The following IPPK variants were observed in gnomAD, a reference collection of about 807,000 sequenced individuals.
The protein encoded by IPPK is inositol-pentakisphosphate 2-kinase.
IPPK carries 22 observed loss-of-function variants against 64.6 expected under a neutral mutation model. The observed-to-expected ratio is 0.34, with a 90% CI of 0.24 to 0.49. IPPK has a LOEUF of 0.49. IPPK is among the 20% of genes least tolerant of loss of function. The pLI is 0.99. For synonymous variants in IPPK, 262 were observed against 247.2 expected, an observed-to-expected ratio of 1.06 and a Z score of -0.56; for missense variants, 532 against 630.7, an observed-to-expected ratio of 0.84 and a Z score of 1.68.
chr9:92,654,993 G>A (rs1564039609), intron 3 of IPPK, among the ~76,000 whole-genome samples: 2 of 152,258 alleles, frequency 1.3e-5, no homozygotes, highest in African/African-American at 4.8e-5. Flanking sequence ...AGGAGCAACA[G>A]TGGAAGAACA....
At chr9:92,654,335 G>T (rs142966671) in intron 3 of IPPK, among the ~76,000 whole-genome samples, 61 of 152,260 alleles carry the variant, frequency 4.0e-4, no homozygotes, top group African/African-American at 1.4e-3. Flanking sequence ...TGCCCAACAT[G>T]GTGAAACCCC....
chr9:92,667,395 T>C (rs543972157), intron 1 of IPPK, among the ~76,000 whole-genome samples: 4 of 152,240 alleles, frequency 2.6e-5, no homozygotes, highest in African/African-American at 4.8e-5. Context: ...CTTCTGGGAA[T>C]TGCTCTCTCT....
chr9:92,659,153 C>T (rs1373209937), intron 1 of IPPK, among the ~76,000 whole-genome samples: 2 of 152,112 alleles, frequency 1.3e-5, no homozygotes, highest in Non-Finnish European at 2.9e-5. Flanking sequence ...TACACGTGAG[C>T]ACACACACGT....
chr9:92,640,847 C>A, intron 7 of IPPK, 65 bp from the exon 8 acceptor site: 2 of 1,125,280 alleles, frequency 1.8e-6, no homozygotes, highest in South Asian at 2.5e-5. Flanking sequence ...TGCACACACA[C>A]CTGCTCGTGG....
intron 6 of IPPK, among the ~76,000 whole-genome samples, chr9:92,645,505 T>C (rs1351792970): frequency 2.6e-5 from 4 of 151,172 alleles, no homozygotes; most frequent in Admixed American, 6.6e-5. Context: ...GAGAAAATGA[T>C]TGAATTTTAG....
At chr9:92,667,495 C>T (rs1219351586) in intron 1 of IPPK, among the ~76,000 whole-genome samples, 1 of 152,236 alleles carries the variant, frequency 6.6e-6, no homozygotes, top group Non-Finnish European at 1.5e-5. Flanking sequence ...GCACAGGCTC[C>T]ATCTGACCTT....
At chr9:92,643,581 C>T (rs1852092963) in intron 6 of IPPK, among the ~76,000 whole-genome samples, 1 of 141,990 alleles carries the variant, frequency 7.0e-6, no homozygotes, top group Admixed American at 7.3e-5. Flanking sequence ...AGTGTAATGT[C>T]AATTTTGCTT....
rs561591009 is a variant in IPPK, at chr9:92,659,605, G to A, written c.82-924C>T. Reference sequence around the variant, plus strand: ...GGGGCTCTAACGGCAGTGCAAAGGTGGGGGGTCCAATGCCCTGGGAAGCGC... The same window carrying A: ...GGGGCTCTAACGGCAGTGCAAAGGTAGGGGGTCCAATGCCCTGGGAAGCGC... On this transcript the variant is annotated intron_variant, in intron 1 of 12. Transcript: ENST00000287996. Among the ~76,000 whole-genome samples the A allele has an allele frequency of 6.6e-5, 10 of 152,264 alleles. No individual in the cohort carries two copies. The South Asian group carries it at 1.7e-3, about 25-fold the overall frequency.
At chr9:92,653,744 G>A (rs554250494) in intron 3 of IPPK, among the ~76,000 whole-genome samples, 1 of 152,340 alleles carries the variant, frequency 6.6e-6, no homozygotes, top group Non-Finnish European at 1.5e-5. Context: ...AGCTACTCAG[G>A]AAGCTGAGGC....
rs534923157 is a variant in IPPK, at chr9:92,647,205, C to CA, written c.504+853dup. Reference sequence around the variant, plus strand: ...CAAATTCCTAGTAACACACAACTACCAAAAAAACCCACTCAGGAAATAAGA... The same window carrying CA: ...CAAATTCCTAGTAACACACAACTACCAAAAAAAACCCACTCAGGAAATAAGA... On this transcript the variant is annotated intron_variant, in intron 6 of 12. Coordinates refer to ENST00000287996, the MANE Select transcript of IPPK (RefSeq NM_022755.6). Among the ~76,000 whole-genome samples the CA allele has an allele frequency of 3.9e-5, 6 of 152,094 alleles. No homozygotes were observed. In the South Asian group the frequency reaches 1.0e-3, roughly 26 times the overall value.
intron 6 of IPPK, 110 bp from the exon 7 acceptor site, chr9:92,642,920 A>T: frequency 1.1e-6 from 1 of 915,420 alleles, no homozygotes; most frequent in South Asian, 1.4e-5. Flanking sequence ...GACGAGCTGC[A>T]GCCTTGCCCC....
chr9:92,634,877 G>A (rs1176371988), intron 10 of IPPK, among the ~76,000 whole-genome samples: 2 of 152,224 alleles, frequency 1.3e-5, no homozygotes, highest in African/African-American at 4.8e-5. Flanking sequence ...CTCAGCTGTG[G>A]AGCAACACTG....
intron 11 of IPPK, among the ~76,000 whole-genome samples, chr9:92,623,771 G>C (rs572644993): frequency 6.6e-6 from 1 of 152,312 alleles, no homozygotes; most frequent in Non-Finnish European, 1.5e-5. Flanking sequence ...ACCGGTTGCA[G>C]GGAACATAAT....
intron 12 of IPPK, chr9:92,618,787 C>T (rs1045946021): frequency 1.4e-5 from 5 of 352,562 alleles, no homozygotes; most frequent in East Asian, 7.4e-5. Flanking sequence ...TCAAAAGCAC[C>T]GGGAAAGTGA....
intron 12 of IPPK, chr9:92,617,602 C>T (rs1851482395): frequency 6.5e-6 from 1 of 154,314 alleles, no homozygotes; most frequent in Admixed American, 6.4e-5. Context: ...GAATGAGGCT[C>T]AGGTGGCCTT....
Position 92,670,018 on chromosome 9 carries a change from C to G in IPPK, c.-30G>C. The G allele has an allele frequency of 5.1e-6, 8 of 1,564,712 alleles. No homozygotes were observed. The highest frequency in any genetic ancestry group is 4.4e-6 in the Non-Finnish European group (5 of 1,148,486). On this transcript the variant is annotated 5_prime_UTR_variant, in exon 1 of 13. Transcript: ENST00000287996. Reference sequence around the variant, plus strand: ...AGGCGCAGCCCTGGCGCCTCGCGGGCTAGGACTCGGGGACGCGAGCTGGGG... The same window carrying G: ...AGGCGCAGCCCTGGCGCCTCGCGGGGTAGGACTCGGGGACGCGAGCTGGGG...
intron 6 of IPPK, among the ~76,000 whole-genome samples, chr9:92,643,425 C>T (rs958252711): frequency 1.4e-4 from 21 of 152,160 alleles, no homozygotes; most frequent in African/African-American, 4.1e-4. Context: ...AATCACAGCC[C>T]ATCCACTAGT....
At chr9:92,668,606 G>A (rs1383314179) in intron 1 of IPPK, among the ~76,000 whole-genome samples, 2 of 152,194 alleles carry the variant, frequency 1.3e-5, no homozygotes, top group Non-Finnish European at 2.9e-5. Context: ...ATTTGTTTTG[G>A]GAAAGGATTC....
Position 92,613,257 on chromosome 9 carries a change from G to C in IPPK, c.*2575C>G. 7.5e-7 allele frequency: 1 copy of C among 1,330,716 alleles called. No individual in the cohort carries two copies. The highest frequency in any genetic ancestry group is 1.1e-6 in the Non-Finnish European group (1 of 938,396). The allele number at this position is 1,330,716 out of a possible 1,614,324, so 82.4% of individuals were successfully genotyped here. A position where few individuals can be genotyped will look rare whatever the true frequency, so the allele number is the denominator to read the frequency against. Reference sequence around the variant, plus strand: ...TGCTTAGAAACCACACCCTGAAGACGTGCTGTCTATGCAGTTATGGCACAT... The same window carrying C: ...TGCTTAGAAACCACACCCTGAAGACCTGCTGTCTATGCAGTTATGGCACAT... On this transcript the variant is annotated 3_prime_UTR_variant, in exon 13 of 13. Coordinates refer to ENST00000287996, the MANE Select transcript of IPPK (RefSeq NM_022755.6).
Sources: allele counts gnomAD v4.1 joint callset (sites outside exome capture counted in the v4.1 genomes callset), GRCh38; gene constraint gnomAD v4.1.1; transcripts MANE v1.5; gene names NCBI Gene and HGNC (gene_info 2026-07-23, HGNC 2026-07-21).